LEKR1: variants seen among roughly 807,000 people sequenced by gnomAD.
LEKR1 encodes protein LEKR1.
A neutral mutation model predicts 72.4 loss-of-function variants in LEKR1; 59 were observed. The ratio of observed to expected loss-of-function variants is 0.82; its 90% CI spans 0.66 to 1.01. The LOEUF (loss-of-function observed/expected upper bound fraction) is 1.01, where lower values mean the gene tolerates loss of function less well. Among genes scored for constraint, LEKR1 ranks in the 50% least tolerant of loss-of-function variants. The pLI, the probability that LEKR1 is intolerant of heterozygous loss-of-function variation, is 0.00. For synonymous variants in LEKR1, 257 were observed against 263.2 expected (o/e 0.98, Z 0.23); for missense variants, 728 against 759.2 (o/e 0.96, Z 0.48).
intron 4 of LEKR1, among the ~76,000 whole-genome samples, chr3:156,922,574 T>C (rs569303521): frequency 6.6e-6 from 1 of 152,328 alleles, no homozygotes; most frequent in East Asian, 1.9e-4. Flanking sequence ...TTAATTACAA[T>C]TGGGCTTAAT....
chr3:156,960,354 C>T (rs1441831777), intron 6 of LEKR1, among the ~76,000 whole-genome samples: 1 of 152,110 alleles, frequency 6.6e-6, no homozygotes, highest in East Asian at 1.9e-4. Flanking sequence ...GGCGCGATCT[C>T]GGCTCACTGC....
intron 3 of LEKR1, among the ~76,000 whole-genome samples, chr3:156,855,971 T>TA (rs1716004743): frequency 6.7e-6 from 1 of 150,314 alleles, no homozygotes; most frequent in South Asian, 2.1e-4. Flanking sequence ...CCTTGATTGA[T>TA]AGGTCTATGA....
At chr3:156,941,863 G>T (rs997523113) in intron 5 of LEKR1, among the ~76,000 whole-genome samples, 13 of 152,018 alleles carry the variant, frequency 8.6e-5, no homozygotes, top group Non-Finnish European at 1.9e-4. Context: ...CATTTCTCAT[G>T]AAATTGTATA....
In LEKR1 at chr3:157,028,246, T is replaced by C. The variant is rs1026885972; in HGVS notation, c.1512T>C (p.Val504=). ...EKEIENLKNL[V]AEFESRLKKE... is the part of the protein sequence containing the mutation. ...AAATTGAAAATCTTAAAAATTTGGT[T>C]GCAGAATTTGAATCTCGCTTGAAGA... Residue 504 remains valine, a synonymous_variant, in exon 12 of 13, where the codon GTT becomes GTC. Coordinates refer to ENST00000356539, the MANE Select transcript of LEKR1 (RefSeq NM_001004316.3). The C allele has an allele frequency of 6.2e-7, 1 of 1,613,696 alleles. No individual in the cohort carries two copies. The highest frequency in any genetic ancestry group is 8.5e-7 in the Non-Finnish European group (1 of 1,179,808).
At chr3:156,858,601 G>A (rs1716370235) in intron 3 of LEKR1, among the ~76,000 whole-genome samples, 3 of 151,358 alleles carry the variant, frequency 2.0e-5, no homozygotes, top group Admixed American at 2.0e-4. Context: ...TTGAACCTGG[G>A]AGGTGGAGGC....
chr3:157,035,320 A>T (rs1734885357), intron 12 of LEKR1, among the ~76,000 whole-genome samples: 1 of 152,162 alleles, frequency 6.6e-6, no homozygotes, highest in Admixed American at 6.5e-5. Flanking sequence ...TGTTTGAAAG[A>T]TTATAAAAGG....
intron 3 of LEKR1, among the ~76,000 whole-genome samples, chr3:156,918,261 C>A (rs1723843032): frequency 6.6e-6 from 1 of 151,948 alleles, no homozygotes; most frequent in Non-Finnish European, 1.5e-5. Flanking sequence ...AGCTACCTAC[C>A]CCAACATCCA....
At chr3:157,018,702 G>A (rs2108028998) in intron 10 of LEKR1, among the ~76,000 whole-genome samples, 1 of 152,232 alleles carries the variant, frequency 6.6e-6, no homozygotes, top group East Asian at 1.9e-4. Flanking sequence ...CCTTGTAGTT[G>A]CTCTATGATC....
At chr3:157,015,006 A>G (rs1322874139) in intron 10 of LEKR1, among the ~76,000 whole-genome samples, 5 of 152,170 alleles carry the variant, frequency 3.3e-5, no homozygotes, top group Non-Finnish European at 5.9e-5. Context: ...AACAGTGAGG[A>G]AACGATAGAA....
rs191831359 is a variant in LEKR1, at chr3:156,836,136, G to A, written c.48+6759G>A. 2.0e-4 allele frequency among the ~76,000 whole-genome samples: 30 copies of A among 152,114 alleles called. No homozygotes were observed. In the East Asian group the frequency reaches 5.2e-3, roughly 26 times the overall value. ...ACCCCACCCACCTTGGCTTCCCAAA[G>A]TGCTGGTTTTACAGGCCTAAGCCAC... On this transcript the variant is annotated intron_variant, in intron 2 of 12. Coordinates refer to ENST00000356539, the MANE Select transcript of LEKR1 (RefSeq NM_001004316.3).
chr3:157,042,807 A>G (rs1735449605), intron 12 of LEKR1, among the ~76,000 whole-genome samples: 1 of 152,090 alleles, frequency 6.6e-6, no homozygotes, highest in Non-Finnish European at 1.5e-5. Flanking sequence ...TTTCTTTTAC[A>G]TATTCAAATA....
intron 3 of LEKR1, among the ~76,000 whole-genome samples, chr3:156,868,130 C>A (rs1227757405): frequency 6.6e-6 from 1 of 151,974 alleles, no homozygotes; most frequent in African/African-American, 2.4e-5. Flanking sequence ...TAATATGCCT[C>A]CCGGCATTTC....
At chr3:156,841,145 G>A (rs1713852623) in intron 2 of LEKR1, among the ~76,000 whole-genome samples, 1 of 152,188 alleles carries the variant, frequency 6.6e-6, no homozygotes. Flanking sequence ...CCTGCATGGT[G>A]GGATGGCCAG....
chr3:156,842,585 T>G (rs1714073936), intron 2 of LEKR1, among the ~76,000 whole-genome samples: 1 of 152,206 alleles, frequency 6.6e-6, no homozygotes, highest in Non-Finnish European at 1.5e-5. Flanking sequence ...TATGCCACAC[T>G]GTACTATTAA....
chr3:156,952,577 T>A (rs1259229658), intron 6 of LEKR1, among the ~76,000 whole-genome samples: 1 of 151,412 alleles, frequency 6.6e-6, no homozygotes, highest in African/African-American at 2.4e-5. Flanking sequence ...GATAGCAGAT[T>A]GGGTTGGTGA....
chr3:156,881,542 G>A (rs1422376225), intron 3 of LEKR1, among the ~76,000 whole-genome samples: 1 of 151,236 alleles, frequency 6.6e-6, no homozygotes, highest in Non-Finnish European at 1.5e-5. Flanking sequence ...TCATGGGTAG[G>A]AAGAATCAAT....
intron 3 of LEKR1, among the ~76,000 whole-genome samples, chr3:156,909,005 TC>T (rs1414366037): frequency 1.3e-5 from 2 of 152,126 alleles, no homozygotes; most frequent in African/African-American, 4.8e-5. Flanking sequence ...GGGGGCAGTT[TC>T]CCCCATACTG....
At chr3:156,947,445 A>G (rs1490705035) in intron 6 of LEKR1, among the ~76,000 whole-genome samples, 1 of 151,198 alleles carries the variant, frequency 6.6e-6, no homozygotes, top group African/African-American at 2.4e-5. Context: ...CAGTGGGGTT[A>G]TGTCCCAATA....
At chr3:156,873,371 G>T (rs1718188907) in intron 3 of LEKR1, among the ~76,000 whole-genome samples, 1 of 151,720 alleles carries the variant, frequency 6.6e-6, no homozygotes, top group Non-Finnish European at 1.5e-5. Flanking sequence ...AATCCATTCA[G>T]CCAGTCCATA....
Sources: allele counts gnomAD v4.1 joint callset (sites outside exome capture counted in the v4.1 genomes callset), GRCh38; gene constraint gnomAD v4.1.1; transcripts MANE v1.5; gene names NCBI Gene and HGNC (gene_info 2026-07-23, HGNC 2026-07-21).